The following NRAP variants were observed in gnomAD, a reference collection of about 807,000 sequenced individuals.
The protein encoded by NRAP is nebulin-related-anchoring protein.
A neutral mutation model predicts 225.9 loss-of-function variants in NRAP; 189 were observed. The ratio of observed to expected loss-of-function variants is 0.84; its 90% confidence interval spans 0.74 to 0.94. NRAP has a LOEUF of 0.94. Among genes scored for constraint, NRAP ranks in the 40% least tolerant of loss-of-function variants. The pLI is 0.00. For missense variants in NRAP, 2,176 were observed against 2,168.7 expected, an observed-to-expected ratio of 1.00 and a Z score of -0.07; for synonymous variants, 769 against 790.7, an observed-to-expected ratio of 0.97 and a Z score of 0.46.
At chr10:113,648,279 G>A (rs535502304) in intron 9 of NRAP, among the ~76,000 whole-genome samples, 4 of 152,204 alleles carry the variant, frequency 2.6e-5, no homozygotes, top group Admixed American at 6.5e-5. Flanking sequence ...TATTTAGCCC[G>A]AGTTCTCCTT....
chr10:113,607,436 AGAAAAGAAAGAAAG>A (rs1847059950), intron 32 of NRAP, among the ~76,000 whole-genome samples: 3 of 134,062 alleles, frequency 2.2e-5, no homozygotes, highest in Admixed American at 8.0e-5. Context: ...AAAAAAAAAA[AGAAAAGAAAGAAAG>A]AAAAGAAAAA....
Position 113,663,948 on chromosome 10 carries a change from C to A in NRAP, c.-66G>T. On this transcript the variant is annotated 5_prime_UTR_variant, in exon 1 of 42. Transcript: ENST00000359988. ...AAGAAATGCAAGGAGAACCCCCAGTCTAGTTCAAGTCTTCAAAATCCGACG... is the reference window on the plus strand; with the variant it reads ...AAGAAATGCAAGGAGAACCCCCAGTATAGTTCAAGTCTTCAAAATCCGACG... The A allele has an allele frequency of 8.2e-7, 1 of 1,215,566 alleles. No individual in the cohort carries two copies. The highest frequency in any genetic ancestry group is 1.2e-5 in the South Asian group (1 of 82,504). The allele number at this position is 1,215,566 out of a possible 1,614,324, so 75.3% of individuals were successfully genotyped here.
chr10:113,617,699 C>A (rs370697007), intron 25 of NRAP, 146 bp from the exon 26 acceptor site: 5 of 616,172 alleles, frequency 8.1e-6, no homozygotes, highest in South Asian at 1.9e-5. Context: ...ATCCTAGGTG[C>A]CTTCAGGTTA....
chr10:113,621,508 C>A (rs1847984052), intron 24 of NRAP, among the ~76,000 whole-genome samples: 1 of 152,146 alleles, frequency 6.6e-6, no homozygotes, highest in South Asian at 2.1e-4. Flanking sequence ...AAAATGGGGA[C>A]TATCAAAGTC....
chr10:113,614,999 T>A, intron 27 of NRAP, 53 bp from the exon 28 acceptor site: 1 of 1,108,322 alleles, frequency 9.0e-7, no homozygotes, highest in Non-Finnish European at 1.4e-6. Flanking sequence ...GGTGGTTTCC[T>A]AAACTCTGGC....
intron 3 of NRAP, 145 bp downstream of exon 3, chr10:113,662,534 C>T (rs1011561676): frequency 1.4e-5 from 9 of 628,246 alleles, no homozygotes; most frequent in African/African-American, 3.8e-5. Context: ...ACCATCTGCC[C>T]GCTTTGGCCT....
intron 35 of NRAP, among the ~76,000 whole-genome samples, chr10:113,603,084 G>A (rs1846706445): frequency 6.6e-6 from 1 of 152,212 alleles, no homozygotes; most frequent in African/African-American, 2.4e-5. Flanking sequence ...TAAAATGAGA[G>A]CACCTTCTTC....
At chr10:113,657,692 A>G (rs1245315929) in intron 3 of NRAP, 118 bp from the exon 4 acceptor site, 2 of 689,676 alleles carry the variant, frequency 2.9e-6, no homozygotes, top group East Asian at 2.7e-5. Context: ...AAGCATCTTC[A>G]CTGTGCTGCA....
At chr10:113,636,387 T>C (rs887241014) in intron 14 of NRAP, among the ~76,000 whole-genome samples, 3 of 152,190 alleles carry the variant, frequency 2.0e-5, no homozygotes, top group African/African-American at 7.2e-5. Context: ...TCCTATCTGC[T>C]GCTAACTCCT....
intron 9 of NRAP, among the ~76,000 whole-genome samples, chr10:113,649,426 T>C (rs1176542449): frequency 6.6e-6 from 1 of 152,200 alleles, no homozygotes; most frequent in Non-Finnish European, 1.5e-5. Flanking sequence ...CAATAATGCT[T>C]CCTTTCTACC....
intron 3 of NRAP, 31 bp downstream of exon 3, chr10:113,662,648 C>T (rs1364304547): frequency 9.0e-7 from 1 of 1,105,924 alleles, no homozygotes; most frequent in Non-Finnish European, 1.4e-6. Context: ...TTCTCCATAC[C>T]CTCCATCCCA....
intron 12 of NRAP, among the ~76,000 whole-genome samples, chr10:113,642,393 G>A (rs61865006): frequency 0.086 from 13,043 of 152,078 alleles, 662 homozygotes; most frequent in South Asian, 0.17. Flanking sequence ...ACTATTATGT[G>A]CAACTAAGCA....
chr10:113,589,171 G>A (rs906240762), intron 41 of NRAP, 92 bp from the exon 42 acceptor site: 3 of 1,025,416 alleles, frequency 2.9e-6, no homozygotes, highest in African/African-American at 3.2e-5. Context: ...AGAAGCACAG[G>A]GAGCATTTAA....
intron 7 of NRAP, among the ~76,000 whole-genome samples, chr10:113,650,853 A>AT (rs1237478218): frequency 6.6e-6 from 1 of 152,170 alleles, no homozygotes; most frequent in East Asian, 1.9e-4. Flanking sequence ...GTTGTCAGCC[A>AT]TTTTTGGGAG....
intron 5 of NRAP, 102 bp from the exon 6 acceptor site, chr10:113,653,141 C>T (rs953261082): frequency 3.3e-5 from 21 of 646,102 alleles, no homozygotes; most frequent in Middle Eastern, 2.7e-4. Context: ...TAAAGTTCTT[C>T]GGAAATATTT....
At position 113,643,052 on chromosome 10, in the gene NRAP, A is replaced by T. The variant is rs904499961; in HGVS notation, c.1111-14T>A. 1.5e-5 allele frequency: 19 copies of T among 1,260,222 alleles called. No homozygotes were observed. The highest frequency in any genetic ancestry group is 1.9e-5 in the Non-Finnish European group (16 of 857,456). 78.1% of individuals were successfully genotyped at this position (1,260,222 alleles called of 1,614,324 possible). On this transcript the variant is annotated splice_polypyrimidine_tract_variant and intron_variant, in intron 11 of 41. Transcript: ENST00000359988. ...CTTATACTCCACCTTGGAAATCAAA[A>T]CACCAGACACACAATAGAACCAAAT...
Position 113,623,643 on chromosome 10 carries a change from G to A in NRAP, c.2350-7C>T. 1 of 1,594,924 alleles carries A rather than the reference G, an allele frequency of 6.3e-7. No individual in the cohort carries two copies. Among genetic ancestry groups the A allele is most frequent in the Non-Finnish European group, 8.6e-7 (1 of 1,163,196 alleles). On this transcript the variant is annotated splice_polypyrimidine_tract_variant and splice_region_variant and intron_variant, in intron 22 of 41. Transcript: ENST00000359988. The stretch of plus-strand genomic sequence containing the variant: ...AGCTGCTCTTATACAGTTTCTAAGG[G>A]GATTTAGGAGAGAAGGTGAGTGGGT...
chr10:113,641,213 G>A lies in NRAP; in HGVS notation c.1323+152C>T, dbSNP rs1539593. On this transcript the variant is annotated intron_variant, in intron 13 of 41. Coordinates refer to ENST00000359988, the MANE Select transcript of NRAP (RefSeq NM_198060.4). Reference sequence around the variant, plus strand: ...ATCTTACCTAGCCTTGGTTGTATCCGCTAACATTTAGAAACTCTTTTGGGT... The same window carrying A: ...ATCTTACCTAGCCTTGGTTGTATCCACTAACATTTAGAAACTCTTTTGGGT... 306,641 of 507,966 alleles carry A rather than the reference G, an allele frequency of 0.6. 95,146 individuals carry two copies. Among genetic ancestry groups the A allele is most frequent in the East Asian group, 0.73 (23,828 of 32,590 alleles). The allele number at this position is 507,966 out of a possible 1,614,324, so 31.5% of individuals were successfully genotyped here.
intron 38 of NRAP, among the ~76,000 whole-genome samples, chr10:113,593,557 G>A (rs1027242944): frequency 7.9e-5 from 12 of 152,304 alleles, no homozygotes; most frequent in East Asian, 1.9e-4. Context: ...AGAACCGTTC[G>A]TTCCTGGGAT....
Sources: allele counts gnomAD v4.1 joint callset (sites outside exome capture counted in the v4.1 genomes callset), GRCh38; gene constraint gnomAD v4.1.1; transcripts MANE v1.5; gene names NCBI Gene and HGNC (gene_info 2026-07-23, HGNC 2026-07-21).